MYBBP1A: variants seen among roughly 807,000 people sequenced by gnomAD.
MYBBP1A encodes the protein MYB binding protein 1a.
MYBBP1A carries 147 observed loss-of-function variants against 136.3 expected under a neutral mutation model. The ratio of observed to expected loss-of-function variants is 1.08; its 90% CI spans 0.94 to 1.24. MYBBP1A has a LOEUF of 1.24. Among genes scored for constraint, MYBBP1A ranks in the 50% most tolerant of loss-of-function variants. The pLI is 0.00. For synonymous variants in MYBBP1A, 947 were observed against 735.8 expected, an observed-to-expected ratio of 1.29 and a Z score of -4.65; for missense variants, 2,060 against 1,727.4, an observed-to-expected ratio of 1.19 and a Z score of -3.41.
chr17:4,540,250 CGTGTGCAGCAGCGTGTGTGCAGCGTGTGT>C lies in MYBBP1A; in HGVS notation c.3434+69_3434+97del, dbSNP rs1468443276. The C allele has an allele frequency of 9.1e-6, 13 of 1,428,318 alleles. No homozygotes were observed. In the Admixed American group the frequency reaches 2.8e-4, roughly 31 times the overall value. The allele number at this position is 1,428,318 out of a possible 1,614,324, so 88.5% of individuals were successfully genotyped here. On this transcript the variant is annotated intron_variant, in intron 25 of 25. Coordinates refer to ENST00000254718, the MANE Select transcript of MYBBP1A (RefSeq NM_014520.4). ...TGCAGCAGCATGCGTGTGCAGTGTGCGTGTGCAGCAGCGTGTGTGCAGCGTGTGTGTGTGTGCAGCAGCGTGAGGGTGTT... is the reference window on the plus strand; with the variant it reads ...TGCAGCAGCATGCGTGTGCAGTGTGCGTGTGTGCAGCAGCGTGAGGGTGTT...
Position 4,545,738 on chromosome 17 carries a change from C to T in MYBBP1A, c.1945G>A (p.Glu649Lys). Residue 649 changes from glutamate (E) to lysine (K), a missense_variant, in exon 15 of 26, where the codon GAG becomes AAG. Glu to Lys is a moderately conservative substitution (Grantham distance 56). Coordinates refer to ENST00000254718, the MANE Select transcript of MYBBP1A (RefSeq NM_014520.4). ...TIDPQEPPWV[E>K]VLVEILLALL... ...GCCAGCAAGATCTCCACCAGCACCT[C>T]TACCCACGGGGGTTCCTGGGGGTCT... is the stretch of plus-strand genomic sequence containing the variant. The T allele has an allele frequency of 6.2e-7, 1 of 1,607,928 alleles. No individual in the cohort carries two copies. Among genetic ancestry groups the T allele is most frequent in the Non-Finnish European group, 8.5e-7 (1 of 1,176,360 alleles).
At chr17:4,554,387 GGTCCCTA>G in intron 2 of MYBBP1A, 109 bp from the exon 3 acceptor site, 1 of 900,666 alleles carries the variant, frequency 1.1e-6, no homozygotes, top group South Asian at 1.6e-5. Context: ...AGAAGCCTCA[GGTCCCTA>G]GTCCCACCTT....
chr17:4,554,029 C>A lies in MYBBP1A; in HGVS notation c.443G>T (p.Arg148Leu), dbSNP rs767133320. Residue 148 changes from arginine (R) to leucine (L), a missense_variant, in exon 4 of 26, where the codon CGG becomes CTG. Arg to Leu is a moderately radical substitution (Grantham distance 102). Transcript: ENST00000254718. ...CTCCAAAGCTCTTACCTTCACCAGCCGACCTGACTGAAAGAGGGCGAGCAC... is the reference window on the plus strand; with the variant it reads ...CTCCAAAGCTCTTACCTTCACCAGCAGACCTGACTGAAAGAGGGCGAGCAC... ...FGVLALFQSG[R>L]LVKDQEALMK... 3.7e-6 allele frequency: 6 copies of A among 1,614,022 alleles called. No homozygotes were observed. Among genetic ancestry groups the A allele is most frequent in the African/African-American group, 1.3e-5 (1 of 75,024 alleles).
chr17:4,554,302 G>A (rs769472159), intron 2 of MYBBP1A, 24 bp from the exon 3 acceptor site: 2 of 1,609,228 alleles, frequency 1.2e-6, no homozygotes, highest in East Asian at 2.2e-5. Context: ...TGTGGCAGGA[G>A]GAAGAGGGTT....
At chr17:4,547,792 G>A (rs948488048) in intron 13 of MYBBP1A, 166 bp downstream of exon 13, 7 of 560,564 alleles carry the variant, frequency 1.2e-5, no homozygotes, top group Admixed American at 6.9e-5. Context: ...CTAAGTGGCC[G>A]GAGGGATGTT....
intron 8 of MYBBP1A, among the ~76,000 whole-genome samples, chr17:4,550,709 C>T (rs1380074123): frequency 6.6e-6 from 1 of 152,260 alleles, no homozygotes; most frequent in Non-Finnish European, 1.5e-5. Context: ...CAACGCAGGG[C>T]AGAGTGGTAG....
rs1342806812 is a variant in MYBBP1A at position 4,552,774 on chromosome 17, C to G, written c.562-148G>C. 1.3e-6 allele frequency: 1 copy of G among 742,086 alleles called. No homozygotes were observed. Among genetic ancestry groups the G allele is most frequent in the Non-Finnish European group, 2.1e-6 (1 of 473,026 alleles). 46.0% of individuals were successfully genotyped at this position (742,086 alleles called of 1,614,324 possible). A position where few individuals can be genotyped will look rare whatever the true frequency, so the allele number is the denominator to read the frequency against. ...TAACAAAACTCAAATTCCCAGGCAG[C>G]GGGGTTTTTGACAAGCATCCCACTG... On this transcript the variant is annotated intron_variant, in intron 5 of 25. Coordinates refer to ENST00000254718, the MANE Select transcript of MYBBP1A (RefSeq NM_014520.4). This position sits in a 1 kb window ranked among gnomAD's most constrained non-coding sequence, Gnocchi z 4.7.
intron 19 of MYBBP1A, chr17:4,543,440 C>G (rs1906654466): frequency 1.9e-6 from 1 of 522,696 alleles, no homozygotes; most frequent in African/African-American, 1.9e-5. Flanking sequence ...CCTGGGGCAC[C>G]CCTCCTGTCT....
chr17:4,541,118 G>A (rs1037095294), intron 24 of MYBBP1A, among the ~76,000 whole-genome samples: 9 of 152,190 alleles, frequency 5.9e-5, no homozygotes, highest in Admixed American at 2.0e-4. Context: ...ACCAGGCCTG[G>A]AAACCTGGCT....
At chr17:4,555,084 G>C in intron 1 of MYBBP1A, 43 bp downstream of exon 1, 9 of 1,563,440 alleles carry the variant, frequency 5.8e-6, no homozygotes, top group Non-Finnish European at 7.8e-6. Flanking sequence ...CCGCTTCCTT[G>C]CCGGGATATG....
At chr17:4,540,130 C>T (rs1178387209) in intron 25 of MYBBP1A, among the ~76,000 whole-genome samples, 163 bp from the exon 26 acceptor site, 226 of 148,130 alleles carry the variant, frequency 1.5e-3, no homozygotes, top group Admixed American at 2.3e-3. Flanking sequence ...CCTGCGAGGC[C>T]CCTGGGTCCT....
rs977526876 is a variant in MYBBP1A at position 4,540,269 on chromosome 17, G to A, written c.3434+79C>T. ...AGTGTGCGTGTGCAGCAGCGTGTGT[G>A]CAGCGTGTGTGTGTGTGCAGCAGCG... On this transcript the variant is annotated intron_variant, in intron 25 of 25. Transcript: ENST00000254718. 31 of 1,489,850 alleles carry A rather than the reference G, an allele frequency of 2.1e-5. No individual in the cohort carries two copies. The African/African-American group carries it at 4.2e-4, about 20-fold the overall frequency. 92.3% of individuals were successfully genotyped at this position (1,489,850 alleles called of 1,614,324 possible). A position where few individuals can be genotyped will look rare whatever the true frequency, so the allele number is the denominator to read the frequency against.
In MYBBP1A at chr17:4,543,068, G is replaced by A. The variant is rs200776342; in HGVS notation, c.2737C>T (p.Arg913Cys). ...AGGGCGGTGGGGGAGTCGGGCTGGC[G>A]GCCAGCCTGCTGCACCAACCGCTCC... Reference protein sequence around the residue: ...QVERLVQQAGRQPDSPTALYH... With the variant: ...QVERLVQQAGCQPDSPTALYH... Residue 913 changes from arginine to cysteine, a missense_variant, in exon 20 of 26, where the codon CGC becomes TGC. By Grantham distance (180) the Arg-to-Cys change is radical. Coordinates refer to ENST00000254718, the MANE Select transcript of MYBBP1A (RefSeq NM_014520.4). 7.7e-5 allele frequency: 125 copies of A among 1,613,204 alleles called. No homozygotes were observed. Among genetic ancestry groups the A allele is most frequent in the East Asian group, 6.2e-4 (28 of 44,868 alleles).
In MYBBP1A at chr17:4,544,412, A is replaced by T; in HGVS notation, c.2639+77T>A. ...TTGGCTCTCTCCTTCCTGTGCAGAC[A>T]GCAAGCCTAGAGCTCTGGCTCTCCT... is the stretch of plus-strand genomic sequence containing the variant. On this transcript the variant is annotated intron_variant, in intron 19 of 25. Coordinates refer to ENST00000254718, the MANE Select transcript of MYBBP1A (RefSeq NM_014520.4). 3 of 1,521,368 alleles carry T rather than the reference A, an allele frequency of 2.0e-6. No homozygotes were observed. The South Asian group carries it at 3.7e-5, about 19-fold the overall frequency. 94.2% of individuals were successfully genotyped at this position (1,521,368 alleles called of 1,614,324 possible).
chr17:4,549,210 C>T, intron 10 of MYBBP1A, 122 bp downstream of exon 10: 2 of 768,340 alleles, frequency 2.6e-6, no homozygotes, highest in Non-Finnish European at 4.1e-6. Context: ...TTGTGCCTGC[C>T]CCCCACTGAT....
intron 13 of MYBBP1A, 97 bp downstream of exon 13, chr17:4,547,861 C>A: frequency 9.0e-7 from 1 of 1,106,684 alleles, no homozygotes; most frequent in Non-Finnish European, 1.2e-6. Context: ...CAGAACCTTT[C>A]CTGGAAACCC....
In MYBBP1A at chr17:4,548,746, G is replaced by A. The variant is rs952768316; in HGVS notation, c.1431-97C>T. 12 of 1,539,710 alleles carry A rather than the reference G, an allele frequency of 7.8e-6. No individual in the cohort carries two copies. The African/African-American group carries it at 1.5e-4, about 19-fold the overall frequency. On this transcript the variant is annotated intron_variant, in intron 10 of 25. Coordinates refer to ENST00000254718, the MANE Select transcript of MYBBP1A (RefSeq NM_014520.4). The surrounding 1 kb of genome is among the most constrained non-coding windows in gnomAD (Gnocchi z 4.2). ...TACCACCGAGGGTACAAGGCCAGGAGGAGGAGGAGCCGCCCTTCTGCCCTG... is the reference window on the plus strand; with the variant it reads ...TACCACCGAGGGTACAAGGCCAGGAAGAGGAGGAGCCGCCCTTCTGCCCTG...
In MYBBP1A at chr17:4,548,674, T is replaced by C. The variant is rs763546846; in HGVS notation, c.1431-25A>G. ...CCTGGGGAGGGTGGGAGAGTGGCCA[T>C]AGCCATTCACTGCCATTGGTTTTTA... On this transcript the variant is annotated intron_variant, in intron 10 of 25. Coordinates refer to ENST00000254718, the MANE Select transcript of MYBBP1A (RefSeq NM_014520.4). This position sits in a 1 kb window ranked among gnomAD's most constrained non-coding sequence, Gnocchi z 4.2. The C allele has an allele frequency of 1.7e-5, 28 of 1,613,528 alleles. No individual in the cohort carries two copies. The highest frequency in any genetic ancestry group is 1.2e-4 in the Admixed American group (7 of 59,978).
rs771031263 is a variant in MYBBP1A, at chr17:4,553,817, A to T, written c.554T>A (p.Leu185His). The part of the protein sequence containing the change: ...EQPRKALVDI[L>H]SEVSKATLQE... Reference sequence around the variant, plus strand: ...CAGCTGGGGAGCTCATACCTCGGAGAGGATGTCCACCAGGGCCTTCCGGGG... The same window carrying T: ...CAGCTGGGGAGCTCATACCTCGGAGTGGATGTCCACCAGGGCCTTCCGGGG... Residue 185 changes from leucine to histidine, a missense_variant, in exon 5 of 26, where the codon CTC becomes CAC. Leu to His is a moderately conservative substitution (Grantham distance 99, BLOSUM62 -3). Transcript: ENST00000254718. The T allele has an allele frequency of 1.2e-6, 2 of 1,613,846 alleles. No individual in the cohort carries two copies. The highest frequency in any genetic ancestry group is 8.5e-7 in the Non-Finnish European group (1 of 1,179,880).
Sources: gnomAD v4.1 joint callset for allele counts (sites outside exome capture counted in the v4.1 genomes callset) on GRCh38, gnomAD v4.1.1 for gene constraint, Gnocchi (gnomAD v3.1) non-coding constraint, MANE v1.5 for transcripts, NCBI Gene and HGNC (gene_info 2026-07-23, HGNC 2026-07-21) for gene names.